The following CTNNA2 variants were observed in gnomAD, a reference collection of about 807,000 sequenced individuals.
The protein encoded by CTNNA2 is catenin alpha 2, also known as catenin alpha-2.
A neutral mutation model predicts 101.0 loss-of-function variants in CTNNA2; 42 were observed. The observed-to-expected ratio is 0.42, with a 90% CI of 0.32 to 0.54. The LOEUF (loss-of-function observed/expected upper bound fraction) is 0.54, where lower values mean the gene tolerates loss of function less well. CTNNA2 is among the 20% of genes least tolerant of loss of function. The probability of loss-of-function intolerance (pLI) is 0.14; values close to 1 mark genes in which losing one functional copy is unlikely to be tolerated. For missense variants in CTNNA2, 871 were observed against 1,223.1 expected, an observed-to-expected ratio of 0.71 and a Z score of 4.29; for synonymous variants, 450 against 456.4, an observed-to-expected ratio of 0.99 and a Z score of 0.18.
At chr2:80,045,801 C>T (rs1473121591) in intron 7 of CTNNA2, among the ~76,000 whole-genome samples, 1 of 152,054 alleles carries the variant, frequency 6.6e-6, no homozygotes, top group African/African-American at 2.4e-5. Context: ...TTCATGAAAA[C>T]AGGCCATTGA....
intron 2 of CTNNA2, among the ~76,000 whole-genome samples, chr2:79,716,939 T>A (rs1259986785): frequency 6.6e-6 from 1 of 152,144 alleles, no homozygotes; most frequent in African/African-American, 2.4e-5. Context: ...TGTGCTTTAA[T>A]GTTGGAAGGA....
intron 3 of CTNNA2, among the ~76,000 whole-genome samples, chr2:79,756,272 T>G (rs1460735371): frequency 2.0e-5 from 3 of 152,230 alleles, no homozygotes; most frequent in African/African-American, 7.2e-5. Flanking sequence ...ATATAGTCTC[T>G]CAAAGTCATC....
chr2:79,973,935 T>G (rs886946827), intron 7 of CTNNA2, among the ~76,000 whole-genome samples: 1 of 94,236 alleles, frequency 1.1e-5, no homozygotes, highest in African/African-American at 4.5e-5. Flanking sequence ...GTGGAGTTTC[T>G]TTAGTTTTGT....
At chr2:79,877,555 GGCAT>G (rs1460406632) in intron 6 of CTNNA2, among the ~76,000 whole-genome samples, 1 of 151,758 alleles carries the variant, frequency 6.6e-6, no homozygotes. Context: ...AAATTTCTTA[GGCAT>G]GCTAACTTGA....
At chr2:80,121,486 TAAC>T (rs1701826789) in intron 7 of CTNNA2, among the ~76,000 whole-genome samples, 1 of 152,110 alleles carries the variant, frequency 6.6e-6, no homozygotes, top group Admixed American at 6.5e-5. Context: ...CAATAAAAAA[TAAC>T]AATTATATTG....
At chr2:79,782,271 T>C (rs1422705643) in intron 3 of CTNNA2, among the ~76,000 whole-genome samples, 4 of 152,166 alleles carry the variant, frequency 2.6e-5, no homozygotes, top group African/African-American at 9.7e-5. Context: ...AGTTTCACTC[T>C]TTTTGCCCAG....
At chr2:80,323,546 A>G (rs1329950003) in intron 7 of CTNNA2, among the ~76,000 whole-genome samples, 5 of 152,038 alleles carry the variant, frequency 3.3e-5, no homozygotes, top group African/African-American at 1.2e-4. Flanking sequence ...CTCTGCCTCT[A>G]TGCAGCATCT....
intron 5 of CTNNA2, among the ~76,000 whole-genome samples, chr2:79,507,685 T>G (rs1173326416): frequency 1.3e-5 from 2 of 152,180 alleles, no homozygotes; most frequent in Admixed American, 6.5e-5. Context: ...AATAAGCTCA[T>G]TAATAAGCTG....
intron 3 of CTNNA2, among the ~76,000 whole-genome samples, chr2:79,355,667 G>T (rs1358067878): frequency 6.6e-6 from 1 of 152,106 alleles, no homozygotes; most frequent in Admixed American, 6.5e-5. Context: ...TACCTATTTT[G>T]AATATATTAA....
At chr2:80,576,452 C>T (rs1254907085) in intron 13 of CTNNA2, 1 of 149,786 alleles carries the variant, frequency 6.7e-6, no homozygotes, top group Non-Finnish European at 1.5e-5. Context: ...ATTATCCCCA[C>T]AAAGTGGCTT....
At chr2:79,738,250 C>G (rs186766364) in intron 2 of CTNNA2, among the ~76,000 whole-genome samples, 1 of 152,110 alleles carries the variant, frequency 6.6e-6, no homozygotes, top group Non-Finnish European at 1.5e-5. Flanking sequence ...AGATTAAGGT[C>G]GAAGGACCCT....
chr2:79,855,433 G>A lies in CTNNA2; in HGVS notation c.299-2580G>A, dbSNP rs180902000. Among the ~76,000 whole-genome samples the A allele has an allele frequency of 1.2e-4, 18 of 152,308 alleles. No individual in the cohort carries two copies. In the East Asian group the frequency reaches 1.9e-3, roughly 16 times the overall value. On this transcript the variant is annotated intron_variant, in intron 3 of 18. Coordinates refer to ENST00000402739, the MANE Select transcript of CTNNA2 (RefSeq NM_001282597.3). ...CTTCTGCCAGATGCCCGATGGTGCC[G>A]CTAAGACAGATGGAAGGAGTCGTTC... is the stretch of plus-strand genomic sequence containing the variant.
intron 9 of CTNNA2, among the ~76,000 whole-genome samples, chr2:80,455,567 C>T (rs1198210397): frequency 2.0e-5 from 3 of 152,168 alleles, no homozygotes; most frequent in African/African-American, 7.2e-5. Flanking sequence ...CCTTCATCAC[C>T]TTATCTTTTG....
At chr2:79,397,419 T>C (rs1375923697) in intron 4 of CTNNA2, among the ~76,000 whole-genome samples, 7 of 152,160 alleles carry the variant, frequency 4.6e-5, no homozygotes, top group East Asian at 1.9e-4. Context: ...TCAGTATTCT[T>C]TGAGGAAGTC....
At chr2:79,266,550 G>A (rs1452785762) in intron 2 of CTNNA2, among the ~76,000 whole-genome samples, 3 of 152,016 alleles carry the variant, frequency 2.0e-5, no homozygotes, top group South Asian at 4.1e-4. Flanking sequence ...TAAGAAAACT[G>A]GTACTGAATG....
intron 3 of CTNNA2, 116 bp from the exon 4 acceptor site, chr2:79,857,897 C>A: frequency 9.0e-7 from 1 of 1,110,382 alleles, no homozygotes; most frequent in Non-Finnish European, 1.3e-6. Context: ...GCAGAAATAC[C>A]ACCTGGTCAT....
intron 7 of CTNNA2, chr2:80,304,368 C>G (rs1220210499): frequency 6.5e-6 from 1 of 152,766 alleles, no homozygotes; most frequent in Non-Finnish European, 1.5e-5. Flanking sequence ...CGCAAGTTTC[C>G]CAACTACGTG....
At chr2:79,351,814 A>G (rs193225172) in intron 3 of CTNNA2, among the ~76,000 whole-genome samples, 4 of 152,212 alleles carry the variant, frequency 2.6e-5, no homozygotes, top group African/African-American at 9.6e-5. Flanking sequence ...TATGTACCAC[A>G]TTTTCTTTAT....
At chr2:79,985,252 C>T (rs999165269) in intron 7 of CTNNA2, among the ~76,000 whole-genome samples, 3 of 152,182 alleles carry the variant, frequency 2.0e-5, no homozygotes, top group African/African-American at 7.2e-5. Context: ...CATGCCTTTA[C>T]ACTCACTGTT....
Sources: gnomAD v4.1 joint callset for allele counts (sites outside exome capture counted in the v4.1 genomes callset) on GRCh38, gnomAD v4.1.1 for gene constraint, MANE v1.5 for transcripts, NCBI Gene and HGNC (gene_info 2026-07-23, HGNC 2026-07-21) for gene names.